The following ADAMTS16 variants were observed in gnomAD, a reference collection of about 807,000 sequenced individuals.
The protein encoded by ADAMTS16 is A disintegrin and metalloproteinase with thrombospondin motifs 16.
A neutral mutation model predicts 145.8 loss-of-function variants in ADAMTS16; 94 were observed. The ratio of observed to expected loss-of-function variants is 0.64; its 90% CI spans 0.55 to 0.77. ADAMTS16 has a LOEUF of 0.77. Among genes scored for constraint, ADAMTS16 ranks in the 30% least tolerant of loss-of-function variants. The pLI, the probability that ADAMTS16 is intolerant of heterozygous loss-of-function variation, is 0.00. For synonymous variants in ADAMTS16, 659 were observed against 604.3 expected (o/e 1.09, Z -1.33); for missense variants, 1,585 against 1,591.5 (o/e 1.00, Z 0.07).
chr5:5,212,786 A>T (rs1258863416), intron 10 of ADAMTS16, among the ~76,000 whole-genome samples: 2 of 152,244 alleles, frequency 1.3e-5, no homozygotes, highest in South Asian at 4.1e-4. Context: ...TATTGAATGT[A>T]AAAATTATAT....
intron 18 of ADAMTS16, among the ~76,000 whole-genome samples, chr5:5,281,886 A>ATG (rs1424707445): frequency 6.6e-6 from 1 of 152,114 alleles, no homozygotes; most frequent in Non-Finnish European, 1.5e-5. Flanking sequence ...ACAGACACAT[A>ATG]TCTGTGTGTG....
chr5:5,222,988 A>G (rs1477644534), intron 11 of ADAMTS16, 104 bp downstream of exon 11: 7 of 933,052 alleles, frequency 7.5e-6, no homozygotes, highest in Non-Finnish European at 1.2e-5. Context: ...TGTATTTCTC[A>G]TATACATATG....
At position 5,222,887 on chromosome 5, in the gene ADAMTS16, A is replaced by G; in HGVS notation, c.1701+3A>G. 1 of 1,613,940 alleles carries G rather than the reference A, an allele frequency of 6.2e-7. No individual in the cohort carries two copies. The highest frequency in any genetic ancestry group is 1.7e-4 in the Middle Eastern group (1 of 6,060). ...GCACAATTTGTGGGCATGACATGGTAAGAAGCTAACTGTAGGTACAGCATC... is the reference window on the plus strand; with the variant it reads ...GCACAATTTGTGGGCATGACATGGTGAGAAGCTAACTGTAGGTACAGCATC... On this transcript the variant is annotated splice_donor_region_variant and intron_variant, in intron 11 of 22. Coordinates refer to ENST00000274181, the MANE Select transcript of ADAMTS16 (RefSeq NM_139056.4).
At chr5:5,178,145 G>A (rs979724171) in intron 3 of ADAMTS16, among the ~76,000 whole-genome samples, 7 of 152,182 alleles carry the variant, frequency 4.6e-5, no homozygotes, top group African/African-American at 1.7e-4. Flanking sequence ...ACATTGCTCA[G>A]AGCTAGCATT....
At chr5:5,305,230 C>T (rs1190421886) in intron 20 of ADAMTS16, among the ~76,000 whole-genome samples, 1 of 118,292 alleles carries the variant, frequency 8.5e-6, no homozygotes, top group Non-Finnish European at 1.7e-5. Flanking sequence ...ACACATCCCA[C>T]ACCACACACA....
intron 21 of ADAMTS16, among the ~76,000 whole-genome samples, chr5:5,315,719 G>C (rs1196779147): frequency 6.6e-6 from 1 of 152,140 alleles, no homozygotes; most frequent in Non-Finnish European, 1.5e-5. Context: ...GCAGAAATGT[G>C]GTTCTGCAGA....
At chr5:5,275,188 T>C (rs972709727) in intron 18 of ADAMTS16, among the ~76,000 whole-genome samples, 1 of 152,214 alleles carries the variant, frequency 6.6e-6, no homozygotes, top group Admixed American at 6.5e-5. Context: ...TTAGGCACCA[T>C]TGCTCTATTC....
chr5:5,267,471 G>C (rs1738283829), intron 18 of ADAMTS16, among the ~76,000 whole-genome samples: 1 of 152,142 alleles, frequency 6.6e-6, no homozygotes, highest in African/African-American at 2.4e-5. Flanking sequence ...GGATGGAATG[G>C]GTAGGTGGTC....
At chr5:5,272,056 G>A (rs1405789659) in intron 18 of ADAMTS16, among the ~76,000 whole-genome samples, 1 of 152,076 alleles carries the variant, frequency 6.6e-6, no homozygotes, top group Non-Finnish European at 1.5e-5. Flanking sequence ...CTTTTCTGTA[G>A]TTGCTTATCT....
At chr5:5,304,551 TCCTC>T (rs1443356570) in intron 20 of ADAMTS16, among the ~76,000 whole-genome samples, 1 of 151,900 alleles carries the variant, frequency 6.6e-6, no homozygotes, top group Non-Finnish European at 1.5e-5. Flanking sequence ...GGAAGAAAGC[TCCTC>T]CCTGATCCCA....
At chr5:5,150,514 G>T (rs1399899510) in intron 3 of ADAMTS16, among the ~76,000 whole-genome samples, 1 of 152,210 alleles carries the variant, frequency 6.6e-6, no homozygotes, top group Non-Finnish European at 1.5e-5. Flanking sequence ...ACCCAGAAAA[G>T]CAGCCCACCC....
intron 15 of ADAMTS16, among the ~76,000 whole-genome samples, 190 bp downstream of exon 15, chr5:5,239,464 AATTGTTCTTAGG>A (rs534135656): frequency 1.1e-4 from 16 of 152,146 alleles, no homozygotes; most frequent in Non-Finnish European, 1.9e-4. Flanking sequence ...TTTGCAATAA[AATTGTTCTTAGG>A]AAAAGTGACC....
intron 17 of ADAMTS16, among the ~76,000 whole-genome samples, chr5:5,244,827 C>G (rs1257022869): frequency 4.6e-5 from 7 of 152,166 alleles, no homozygotes; most frequent in African/African-American, 1.7e-4. Flanking sequence ...AATGAGGAGA[C>G]GACCTTACAC....
intron 18 of ADAMTS16, among the ~76,000 whole-genome samples, chr5:5,300,347 A>C (rs1383918512): frequency 6.6e-6 from 1 of 152,148 alleles, no homozygotes; most frequent in Non-Finnish European, 1.5e-5. Flanking sequence ...TCAATTTTTC[A>C]TAATGAGGAT....
At chr5:5,237,369 C>T (rs930521356) in intron 14 of ADAMTS16, among the ~76,000 whole-genome samples, 22 of 152,238 alleles carry the variant, frequency 1.4e-4, no homozygotes, top group African/African-American at 5.3e-4. Context: ...AGGGAACATC[C>T]ACATCCAAGC....
At chr5:5,280,219 C>T (rs16875209) in intron 18 of ADAMTS16, among the ~76,000 whole-genome samples, 10,279 of 152,100 alleles carry the variant, frequency 0.068, 386 homozygotes, top group South Asian at 0.12. Context: ...CTTAGATGTT[C>T]TCAGTGTTGA....
chr5:5,187,472 T>A (rs1735535163), intron 5 of ADAMTS16, among the ~76,000 whole-genome samples: 2 of 152,368 alleles, frequency 1.3e-5, no homozygotes, highest in South Asian at 4.1e-4. Flanking sequence ...CTTTATATTC[T>A]AAGGGGAACC....
In ADAMTS16 at chr5:5,189,971, C is replaced by G; in HGVS notation, c.1048C>G (p.Pro350Ala). The G allele has an allele frequency of 6.2e-7, 1 of 1,610,204 alleles. No homozygotes were observed. Among genetic ancestry groups the G allele is most frequent in the South Asian group, 1.1e-5 (1 of 90,018 alleles). ...VGLILLEDEQ[P>A]GLVISHHADH... Reference sequence around the variant, plus strand: ...TCCTCGGTCCTTGTCTCTTGCACAGCCAGGACTGGTGATAAGTCACCACGC... The same window carrying G: ...TCCTCGGTCCTTGTCTCTTGCACAGGCAGGACTGGTGATAAGTCACCACGC... The change falls in exon 7 of 23, where the codon CCA (proline) becomes GCA (alanine). Residue 350 changes from proline to alanine, a missense_variant and splice_region_variant. Physicochemically the swap from Pro to Ala is conservative, Grantham distance 27. Coordinates refer to ENST00000274181, the MANE Select transcript of ADAMTS16 (RefSeq NM_139056.4).
At chr5:5,243,812 GT>G (rs1737363835) in intron 17 of ADAMTS16, among the ~76,000 whole-genome samples, 1 of 152,184 alleles carries the variant, frequency 6.6e-6, no homozygotes, top group Non-Finnish European at 1.5e-5. Flanking sequence ...GGGGAACTCA[GT>G]GTTCTCAGCT....
Sources: gnomAD v4.1 joint callset for allele counts (sites outside exome capture counted in the v4.1 genomes callset) on GRCh38, gnomAD v4.1.1 for gene constraint, MANE v1.5 for transcripts, NCBI Gene and HGNC (gene_info 2026-07-23, HGNC 2026-07-21) for gene names.